The following NAA60 variants were observed in gnomAD, a reference collection of about 807,000 sequenced individuals.
NAA60 encodes the protein N-alpha-acetyltransferase 60, NatF catalytic subunit, also known as N-alpha-acetyltransferase 60.
In NAA60, 8 loss-of-function variants were observed where a neutral mutation model predicts 26.1. The observed-to-expected ratio is 0.31, with a 90% CI of 0.18 to 0.55. The LOEUF is 0.55. NAA60 is among the 20% of genes least tolerant of loss of function. The probability of loss-of-function intolerance (pLI) is 0.93; values close to 1 mark genes in which losing one functional copy is unlikely to be tolerated. For missense variants in NAA60, 290 were observed against 311.3 expected (o/e 0.93, Z 0.51); for synonymous variants, 131 against 122.5 (o/e 1.07, Z -0.46).
At chr16:3,447,022 A>G (rs2034584333) in intron 1 of NAA60, among the ~76,000 whole-genome samples, 1 of 151,400 alleles carries the variant, frequency 6.6e-6, no homozygotes, top group Admixed American at 6.6e-5. Context: ...TTGTATTTTT[A>G]GTAGAGGACG....
chr16:3,485,410 G>A (rs1185396983), intron 7 of NAA60, 57 bp from the exon 8 acceptor site: 2 of 463,118 alleles, frequency 4.3e-6, no homozygotes, highest in Admixed American at 2.3e-5. Flanking sequence ...AGGGTGTGGG[G>A]TGGGCAGAGT....
intron 6 of NAA60, 189 bp from the exon 7 acceptor site, chr16:3,484,510 T>C: frequency 1.4e-6 from 1 of 709,262 alleles, no homozygotes; most frequent in Non-Finnish European, 2.3e-6. Flanking sequence ...CCCTCTGTTG[T>C]TTTGCACAGC....
chr16:3,444,038 TCTG>T, intron 1 of NAA60: 3 of 1,066,280 alleles, frequency 2.8e-6, no homozygotes, highest in Non-Finnish European at 3.7e-6. Context: ...GTTGCTGGAC[TCTG>T]ACTCAAAGTG....
chr16:3,455,218 A>AT (rs919513592), intron 2 of NAA60, among the ~76,000 whole-genome samples: 6 of 150,666 alleles, frequency 4.0e-5, no homozygotes, highest in Admixed American at 2.6e-4. Flanking sequence ...TGCTCAGCAA[A>AT]TTTTTTTTTG....
chr16:3,454,615 A>C (rs546485138), intron 2 of NAA60, among the ~76,000 whole-genome samples: 79 of 152,296 alleles, frequency 5.2e-4, no homozygotes, highest in African/African-American at 1.8e-3. Flanking sequence ...TGGAAGAAAC[A>C]CTCAAACACA....
At chr16:3,458,261 C>G (rs12932922) in intron 2 of NAA60, 46,380 of 884,832 alleles carry the variant, frequency 0.052, 1,771 homozygotes, top group Non-Finnish European at 0.058. Context: ...GGAGGCCGCG[C>G]CGGGGTCAGG....
intron 2 of NAA60, among the ~76,000 whole-genome samples, chr16:3,458,530 C>T (rs1002198100): frequency 2.6e-5 from 4 of 152,116 alleles, no homozygotes; most frequent in African/African-American, 9.7e-5. Flanking sequence ...TCATGGGTAC[C>T]CTGTGGGGTG....
rs564904638 is a variant in NAA60 at position 3,483,552 on chromosome 16, C to G, written c.527C>G (p.Thr176Ser). Residue 176 changes from threonine (T) to serine (S), a missense_variant, in exon 6 of 8, where the codon ACC (threonine) becomes AGC (serine). Coordinates refer to ENST00000407558, the MANE Select transcript of NAA60 (RefSeq NM_001083601.3). ...CGAGGGGTCCTCAAAGATGGCTTCA[C>G]CTATGTCCTCTACATCAACGGCGGC... ...SIRGVLKDGFTYVLYINGGHP... is the reference protein window; with the variant it reads ...SIRGVLKDGFSYVLYINGGHP... 3.3e-5 allele frequency: 54 copies of G among 1,613,274 alleles called. No individual in the cohort carries two copies. The highest frequency in any genetic ancestry group is 4.6e-5 in the Non-Finnish European group (54 of 1,179,706).
intron 1 of NAA60, among the ~76,000 whole-genome samples, chr16:3,446,586 C>T (rs1376215415): frequency 6.0e-5 from 9 of 149,028 alleles, no homozygotes; most frequent in African/African-American, 2.2e-4. Flanking sequence ...TTCCTGTCAC[C>T]CAGAGATCAC....
intron 2 of NAA60, among the ~76,000 whole-genome samples, chr16:3,454,456 A>G (rs1348226596): frequency 6.6e-6 from 1 of 152,230 alleles, no homozygotes; most frequent in Non-Finnish European, 1.5e-5. Context: ...TCTCATAAAT[A>G]AGGAGTTCTG....
intron 2 of NAA60, among the ~76,000 whole-genome samples, chr16:3,466,977 C>G (rs1205749105): frequency 6.6e-6 from 1 of 152,118 alleles, no homozygotes; most frequent in African/African-American, 2.4e-5. Context: ...GTTCCATTGC[C>G]TGGAAAGGAG....
At chr16:3,463,177 C>T (rs2035522400) in intron 2 of NAA60, among the ~76,000 whole-genome samples, 1 of 152,046 alleles carries the variant, frequency 6.6e-6, no homozygotes. Flanking sequence ...TAACACTACT[C>T]ATAATTTGAA....
intron 2 of NAA60, among the ~76,000 whole-genome samples, chr16:3,469,206 A>T (rs1193192487): frequency 1.3e-5 from 2 of 152,232 alleles, no homozygotes; most frequent in Non-Finnish European, 2.9e-5. Flanking sequence ...TGGCTTGGGC[A>T]ACTGTGACTT....
chr16:3,473,744 TTG>T (rs1479886266), intron 2 of NAA60, among the ~76,000 whole-genome samples: 73 of 150,588 alleles, frequency 4.8e-4, no homozygotes, highest in Admixed American at 1.2e-3. Flanking sequence ...GTTGTTGTTG[TTG>T]TTTTTTGAGA....
chr16:3,461,490 A>C (rs145092567), intron 2 of NAA60, among the ~76,000 whole-genome samples: 21 of 152,318 alleles, frequency 1.4e-4, no homozygotes, highest in African/African-American at 5.1e-4. Context: ...CCCCATCTCT[A>C]TCTCAGCCAG....
intron 2 of NAA60, among the ~76,000 whole-genome samples, chr16:3,475,736 G>A (rs981751163): frequency 2.6e-5 from 4 of 152,170 alleles, no homozygotes; most frequent in East Asian, 1.9e-4. Flanking sequence ...TCATAAAGCC[G>A]CACCATTTCC....
At chr16:3,484,577 A>G (rs1197792896) in intron 6 of NAA60, 122 bp from the exon 7 acceptor site, 13 of 1,319,374 alleles carry the variant, frequency 9.9e-6, no homozygotes, top group East Asian at 2.5e-5. Flanking sequence ...GCGGGCTCTC[A>G]GCCTCCGAAG....
At chr16:3,461,842 A>C (rs2035416243) in intron 2 of NAA60, among the ~76,000 whole-genome samples, 1 of 152,166 alleles carries the variant, frequency 6.6e-6, no homozygotes, top group Non-Finnish European at 1.5e-5. Flanking sequence ...GGGGCCCAGC[A>C]CTTTGGGAGG....
chr16:3,465,160 G>T (rs916712706), intron 2 of NAA60, among the ~76,000 whole-genome samples: 2 of 151,880 alleles, frequency 1.3e-5, no homozygotes, highest in Non-Finnish European at 2.9e-5. Flanking sequence ...CCAGCTACTC[G>T]GGAGGCTGAG....
Sources: allele counts gnomAD v4.1 joint callset (sites outside exome capture counted in the v4.1 genomes callset), GRCh38; gene constraint gnomAD v4.1.1; transcripts MANE v1.5; gene names NCBI Gene and HGNC (gene_info 2026-07-23, HGNC 2026-07-21).